Variants in PAFAH2 observed in about 807,000 individuals in gnomAD.
PAFAH2 encodes the protein platelet activating factor acetylhydrolase 2, also known as platelet-activating factor acetylhydrolase 2, cytoplasmic.
In PAFAH2, 42 loss-of-function variants were observed where a neutral mutation model predicts 49.0. The observed-to-expected ratio is 0.86, with a 90% CI of 0.67 to 1.11. The LOEUF (loss-of-function observed/expected upper bound fraction) is 1.11, where lower values mean the gene tolerates loss of function less well. Ranked by LOEUF, PAFAH2 falls within the 50% of genes least tolerant of loss-of-function variation. The pLI, the probability that PAFAH2 is intolerant of heterozygous loss-of-function variation, is 0.00. For missense variants in PAFAH2, 503 were observed against 501.8 expected, an observed-to-expected ratio of 1.00 and a Z score of -0.02; for synonymous variants, 184 against 181.3, an observed-to-expected ratio of 1.01 and a Z score of -0.12.
chr1:25,995,320 C>A (rs1224814557), intron 1 of PAFAH2, among the ~76,000 whole-genome samples: 2 of 152,190 alleles, frequency 1.3e-5, no homozygotes, highest in East Asian at 3.8e-4. Flanking sequence ...CAGTTTTCAA[C>A]CAGTGACTTG....
chr1:25,984,337 T>G, intron 5 of PAFAH2, 123 bp downstream of exon 5: 1 of 834,396 alleles, frequency 1.2e-6, no homozygotes, highest in African/African-American at 1.7e-5. Context: ...TTTCTCTCCT[T>G]TAAAAGTGGT....
At chr1:25,970,577 C>T (rs2049491251) in intron 10 of PAFAH2, among the ~76,000 whole-genome samples, 1 of 152,120 alleles carries the variant, frequency 6.6e-6, no homozygotes, top group Non-Finnish European at 1.5e-5. Context: ...GTCAGGGCAC[C>T]ACAGTTTATC....
At chr1:25,985,109 G>A (rs887210835) in intron 4 of PAFAH2, among the ~76,000 whole-genome samples, 3 of 151,794 alleles carry the variant, frequency 2.0e-5, no homozygotes, top group African/African-American at 7.3e-5. Flanking sequence ...CGCCCACCTC[G>A]GCCTCCCAAA....
rs767514959 is a variant in PAFAH2, at chr1:25,972,658, A to G, written c.984T>C (p.Ile328=). ...TDFAFVTGNL[I]GKFFSTETRG... Reference sequence around the variant, plus strand: ...GGGTTTCAGTGGAGAAGAATTTACCAATCAAGTTGCCAGTCACAAAAGCAA... The same window carrying G: ...GGGTTTCAGTGGAGAAGAATTTACCGATCAAGTTGCCAGTCACAAAAGCAA... Residue 328 remains isoleucine (I), a synonymous_variant, in exon 10 of 11, where the codon ATT becomes ATC. Transcript: ENST00000374282. 2.5e-6 allele frequency: 4 copies of G among 1,613,980 alleles called. No individual in the cohort carries two copies. The Middle Eastern group carries it at 6.6e-4, about 267-fold the overall frequency.
At position 25,996,201 on chromosome 1, in the gene PAFAH2, T is replaced by TA. The variant is rs1002406724; in HGVS notation, c.-48+1823dup. Among the ~76,000 whole-genome samples, 690 of 142,680 alleles carry TA rather than the reference T, an allele frequency of 4.8e-3. 4 individuals carry two copies. The highest frequency in any genetic ancestry group is 0.014 in the African/African-American group (564 of 39,008). The allele number at this position is 142,680 out of a possible 152,430, so 93.6% of individuals were successfully genotyped here. A position where few individuals can be genotyped will look rare whatever the true frequency, so the allele number is the denominator to read the frequency against. Reference sequence around the variant, plus strand: ...CAAAATCCTGTCTCTATAAAAAAATTAAAAAAAAAAAAAATTAGCTGGATG... The same window carrying TA: ...CAAAATCCTGTCTCTATAAAAAAATTAAAAAAAAAAAAAAATTAGCTGGATG... On this transcript the variant is annotated intron_variant, in intron 1 of 10. Coordinates refer to ENST00000374282, the MANE Select transcript of PAFAH2 (RefSeq NM_000437.4).
intron 10 of PAFAH2, among the ~76,000 whole-genome samples, chr1:25,971,591 C>A (rs1423108097): frequency 6.6e-6 from 1 of 152,102 alleles, no homozygotes; most frequent in Non-Finnish European, 1.5e-5. Flanking sequence ...GAGACTGAAC[C>A]CATGAGACAG....
chr1:25,987,237 A>AAAAAT (rs59896051), intron 4 of PAFAH2, among the ~76,000 whole-genome samples: 14,804 of 133,780 alleles, frequency 0.11, 991 homozygotes, highest in Non-Finnish European at 0.14. Flanking sequence ...CTGTCTCAGA[A>AAAAAT]AAAATAAAAT....
chr1:25,972,602 T>A lies in PAFAH2; in HGVS notation c.1040A>T (p.Glu347Val). The A allele has an allele frequency of 6.2e-7, 1 of 1,613,876 alleles. No homozygotes were observed. The highest frequency in any genetic ancestry group is 8.5e-7 in the Non-Finnish European group (1 of 1,179,850). The change falls in exon 10 of 11, where the codon GAG becomes GTG. Residue 347 changes from glutamate (E) to valine (V), a missense_variant. Coordinates refer to ENST00000374282, the MANE Select transcript of PAFAH2 (RefSeq NM_000437.4). Reference protein sequence around the residue: ...RGSLDPYEGQEVMVRAMLAFL... With the variant: ...RGSLDPYEGQVVMVRAMLAFL... ...GGCCAACATGGCCCGTACCATAACC[T>A]CCTGCCCTTCATAGGGGTCCAGGCT... is the stretch of plus-strand genomic sequence containing the variant.
chr1:25,979,649 A>G (rs1390313779), intron 7 of PAFAH2, among the ~76,000 whole-genome samples: 3 of 151,946 alleles, frequency 2.0e-5, no homozygotes, highest in African/African-American at 7.3e-5. Flanking sequence ...CACCATGCCC[A>G]GCTAATTTTT....
intron 4 of PAFAH2, among the ~76,000 whole-genome samples, chr1:25,987,044 G>A (rs188074210): frequency 1.3e-5 from 2 of 150,496 alleles, no homozygotes; most frequent in African/African-American, 4.9e-5. Flanking sequence ...AAGAGTTTAA[G>A]ACCAGGCTGG....
Position 25,989,611 on chromosome 1 carries a change from A to G in PAFAH2, c.91-10T>C, listed in dbSNP as rs779230929. 1.9e-6 allele frequency: 3 copies of G among 1,539,392 alleles called. No individual in the cohort carries two copies. The highest frequency in any genetic ancestry group is 2.6e-6 in the Non-Finnish European group (3 of 1,142,350). Reference sequence around the variant, plus strand: ...GTCGAAAGAAGCTCCCCTGTAGGAAAGAAGAGAGCAGCTGCTCAGAGCAAG... The same window carrying G: ...GTCGAAAGAAGCTCCCCTGTAGGAAGGAAGAGAGCAGCTGCTCAGAGCAAG... On this transcript the variant is annotated splice_polypyrimidine_tract_variant and intron_variant, in intron 2 of 10. Coordinates refer to ENST00000374282, the MANE Select transcript of PAFAH2 (RefSeq NM_000437.4).
chr1:25,980,348 G>A (rs2049664532), intron 7 of PAFAH2, among the ~76,000 whole-genome samples: 1 of 151,590 alleles, frequency 6.6e-6, no homozygotes, highest in African/African-American at 2.4e-5. Flanking sequence ...TTTTGAGACG[G>A]AGTCTCGCCC....
At chr1:25,969,100 G>T (rs2049469980) in intron 10 of PAFAH2, among the ~76,000 whole-genome samples, 1 of 152,082 alleles carries the variant, frequency 6.6e-6, no homozygotes, top group African/African-American at 2.4e-5. Context: ...AAATCCATAG[G>T]CTTCTTCCTC....
chr1:25,975,832 A>G (rs1313953729), intron 8 of PAFAH2, among the ~76,000 whole-genome samples: 1 of 152,198 alleles, frequency 6.6e-6, no homozygotes, highest in African/African-American at 2.4e-5. Context: ...TTAAAATGTA[A>G]GACTGATATT....
intron 10 of PAFAH2, among the ~76,000 whole-genome samples, chr1:25,964,916 T>C (rs2124314269): frequency 6.6e-6 from 1 of 152,164 alleles, no homozygotes; most frequent in South Asian, 2.1e-4. Flanking sequence ...AGAAAAAAAG[T>C]CCTCAAATTC....
At position 25,962,053 on chromosome 1, in the gene PAFAH2, T is replaced by G. The variant is rs2049346274; in HGVS notation, c.1115A>C (p.Asn372Thr). 6.2e-7 allele frequency: 1 copy of G among 1,613,812 alleles called. No homozygotes were observed. Among genetic ancestry groups the G allele is most frequent in the Non-Finnish European group, 8.5e-7 (1 of 1,179,946 alleles). The change falls in exon 11 of 11, where the codon AAC (asparagine) becomes ACC (threonine). Residue 372 changes from asparagine to threonine, a missense_variant. Transcript: ENST00000374282. Reference protein sequence around the residue: ...DLKEDYNQWNNLIEGIGPSLT... With the variant: ...DLKEDYNQWNTLIEGIGPSLT... ...CGACGGTCCAATGCCTTCAATAAGGTTGTTCCATTGATTATAGTCTTCTTT... is the reference window on the plus strand; with the variant it reads ...CGACGGTCCAATGCCTTCAATAAGGGTGTTCCATTGATTATAGTCTTCTTT...
chr1:25,970,419 A>G (rs2049489426), intron 10 of PAFAH2, among the ~76,000 whole-genome samples: 1 of 152,216 alleles, frequency 6.6e-6, no homozygotes, highest in African/African-American at 2.4e-5. Flanking sequence ...TTGAGGTTGC[A>G]GTGAGCTGAG....
intron 10 of PAFAH2, among the ~76,000 whole-genome samples, chr1:25,969,839 A>G (rs910313487): frequency 6.6e-6 from 1 of 152,006 alleles, no homozygotes; most frequent in Admixed American, 6.6e-5. Context: ...CATGGTGCCT[A>G]TGAGGGGACA....
chr1:25,973,939 T>G (rs1307201894), intron 9 of PAFAH2, among the ~76,000 whole-genome samples: 1 of 152,134 alleles, frequency 6.6e-6, no homozygotes, highest in Non-Finnish European at 1.5e-5. Context: ...TTTTTCCCTG[T>G]GAAAAATGGC....
Sources: allele counts gnomAD v4.1 joint callset (sites outside exome capture counted in the v4.1 genomes callset), GRCh38; gene constraint gnomAD v4.1.1; transcripts MANE v1.5; gene names NCBI Gene and HGNC (gene_info 2026-07-23, HGNC 2026-07-21).